The following SMLR1 variants were observed in gnomAD, a reference collection of about 807,000 sequenced individuals.
SMLR1 encodes small leucine-rich protein 1.
A neutral mutation model predicts 6.1 loss-of-function variants in SMLR1; 3 were observed. That is an observed-to-expected ratio of 0.49 (90% CI 0.22 to 1.28). The LOEUF (loss-of-function observed/expected upper bound fraction) is 1.28. Ranked by LOEUF, SMLR1 falls within the 50% of genes most tolerant of loss-of-function variation. The pLI, the probability that SMLR1 is intolerant of heterozygous loss-of-function variation, is 0.19. For synonymous variants in SMLR1, 55 were observed against 53.6 expected (o/e 1.03, Z -0.11); for missense variants, 126 against 124.8 (o/e 1.01, Z -0.05).
intron 1 of SMLR1, among the ~76,000 whole-genome samples, chr6:130,830,250 A>G (rs989147176): frequency 1.3e-5 from 2 of 152,038 alleles, no homozygotes; most frequent in Non-Finnish European, 2.9e-5. Context: ...CAGAGGCAGG[A>G]TCCTCTACAG....
intron 1 of SMLR1, among the ~76,000 whole-genome samples, chr6:130,831,818 C>G (rs1403215423): frequency 6.6e-6 from 1 of 152,180 alleles, no homozygotes; most frequent in Non-Finnish European, 1.5e-5. Context: ...TCTCATACAG[C>G]TGGGTCTGTC....
Position 130,834,929 on chromosome 6 carries a change from C to G in SMLR1, c.298C>G (p.Leu100Val). 6.5e-7 allele frequency: 1 copy of G among 1,535,348 alleles called. No individual in the cohort carries two copies. Among genetic ancestry groups the G allele is most frequent in the East Asian group, 2.4e-5 (1 of 40,920 alleles). The change falls in exon 2 of 2, where the codon CTG (leucine) becomes GTG (valine). Residue 100 changes from leucine to valine, a missense_variant. Transcript: ENST00000541421. ...RQHNPKDGSS[L>V]YQRMKWT The stretch of plus-strand genomic sequence containing the variant: ...ACATAATCCCAAGGATGGCTCTTCC[C>G]TGTACCAGAGAATGAAATGGACGTG...
chr6:130,829,095 T>A (rs533216690), intron 1 of SMLR1, among the ~76,000 whole-genome samples: 1 of 152,326 alleles, frequency 6.6e-6, no homozygotes, highest in South Asian at 2.1e-4. Flanking sequence ...GATGTCATCA[T>A]CGGGGACTTG....
chr6:130,831,803 G>A (rs192474462), intron 1 of SMLR1, among the ~76,000 whole-genome samples: 74 of 152,314 alleles, frequency 4.9e-4, no homozygotes, highest in African/African-American at 1.7e-3. Flanking sequence ...AAACCAGCTT[G>A]CCTGTCTCAT....
chr6:130,827,719 A>C, intron 1 of SMLR1, 68 bp downstream of exon 1: 3 of 1,163,830 alleles, frequency 2.6e-6, no homozygotes, highest in Admixed American at 4.1e-5. Flanking sequence ...AAATATACCG[A>C]TGCACTGTCA....
rs1038670175 is a variant in SMLR1 at position 130,835,156 on chromosome 6, G to A, written c.*201G>A. The stretch of plus-strand genomic sequence containing the variant: ...TTCTCAGAGACTCAGTATAACAGCA[G>A]CTCTTGAAAAGTACCAAGAATGGAT... On this transcript the variant is annotated 3_prime_UTR_variant, in exon 2 of 2. Coordinates refer to ENST00000541421, the MANE Select transcript of SMLR1 (RefSeq NM_001195597.2). 1.4e-5 allele frequency: 8 copies of A among 552,506 alleles called. No homozygotes were observed. Among genetic ancestry groups the A allele is most frequent in the South Asian group, 1.3e-4 (6 of 44,842 alleles). 34.2% of individuals were successfully genotyped at this position (552,506 alleles called of 1,614,324 possible). A position where few individuals can be genotyped will look rare whatever the true frequency, so the allele number is the denominator to read the frequency against.
chr6:130,830,749 C>T (rs147441235), intron 1 of SMLR1, among the ~76,000 whole-genome samples: 2,492 of 152,246 alleles, frequency 0.016, 21 homozygotes, highest in Middle Eastern at 0.044. Flanking sequence ...CCAAAACCCA[C>T]CCACCAAAAC....
intron 1 of SMLR1, among the ~76,000 whole-genome samples, chr6:130,829,629 C>A (rs2128384317): frequency 6.6e-6 from 1 of 152,318 alleles, no homozygotes; most frequent in South Asian, 2.1e-4. Flanking sequence ...AAGTTACTAC[C>A]TTAAGTTTGT....
intron 1 of SMLR1, among the ~76,000 whole-genome samples, chr6:130,828,574 AAT>A (rs1240852151): frequency 3.9e-5 from 6 of 152,184 alleles, no homozygotes; most frequent in African/African-American, 1.4e-4. Flanking sequence ...CTAATGCTAT[AAT>A]ATATAACCTA....
At chr6:130,829,711 T>C (rs1409942032) in intron 1 of SMLR1, among the ~76,000 whole-genome samples, 1 of 152,224 alleles carries the variant, frequency 6.6e-6, no homozygotes, top group Non-Finnish European at 1.5e-5. Context: ...AACCTCTTGT[T>C]TCTTCACACT....
At chr6:130,832,171 C>T (rs1774478318) in intron 1 of SMLR1, among the ~76,000 whole-genome samples, 1 of 152,096 alleles carries the variant, frequency 6.6e-6, no homozygotes, top group Admixed American at 6.5e-5. Flanking sequence ...ATTCCCAAAC[C>T]TTTACTTCCA....
chr6:130,831,655 T>A (rs1221968647), intron 1 of SMLR1, among the ~76,000 whole-genome samples: 5 of 152,182 alleles, frequency 3.3e-5, no homozygotes, highest in African/African-American at 1.2e-4. Context: ...CAACAGATGG[T>A]CAAATGTCAT....
chr6:130,834,977 T>C lies in SMLR1; in HGVS notation c.*22T>C. 2 of 1,521,910 alleles carry C rather than the reference T, an allele frequency of 1.3e-6. No individual in the cohort carries two copies. The highest frequency in any genetic ancestry group is 8.8e-7 in the Non-Finnish European group (1 of 1,134,308). The allele number at this position is 1,521,910 out of a possible 1,614,324, so 94.3% of individuals were successfully genotyped here. A position where few individuals can be genotyped will look rare whatever the true frequency, so the allele number is the denominator to read the frequency against. On this transcript the variant is annotated 3_prime_UTR_variant, in exon 2 of 2. Coordinates refer to ENST00000541421, the MANE Select transcript of SMLR1 (RefSeq NM_001195597.2). The stretch of plus-strand genomic sequence containing the variant: ...GTGAAGTTGGGGACTTTCCAATAAC[T>C]AAAGCACAATGAGTTTCTACTGGTC...
At position 130,833,173 on chromosome 6, in the gene SMLR1, G is replaced by A. The variant is rs9492734; in HGVS notation, c.239-1697G>A. The stretch of plus-strand genomic sequence containing the variant: ...TTGCAAGCTCTTTTAGGTTAGGGAG[G>A]CATTATTTTACTTCTCTCACTCTCC... On this transcript the variant is annotated intron_variant, in intron 1 of 1. Coordinates refer to ENST00000541421, the MANE Select transcript of SMLR1 (RefSeq NM_001195597.2). Among the ~76,000 whole-genome samples the A allele has an allele frequency of 8.9e-3, 1,352 of 152,188 alleles. 19 individuals carry two copies. The highest frequency in any genetic ancestry group is 0.031 in the African/African-American group (1,282 of 41,532).
At chr6:130,834,175 G>A (rs1022934198) in intron 1 of SMLR1, among the ~76,000 whole-genome samples, 2 of 152,072 alleles carry the variant, frequency 1.3e-5, no homozygotes, top group Admixed American at 6.6e-5. Flanking sequence ...ATCAAATCTA[G>A]TTATTGCCAG....
chr6:130,830,854 C>A (rs191699041), intron 1 of SMLR1, among the ~76,000 whole-genome samples: 3 of 152,310 alleles, frequency 2.0e-5, no homozygotes, highest in Admixed American at 1.3e-4. Context: ...CAGGAAGTTA[C>A]CCTACATGGC....
intron 1 of SMLR1, among the ~76,000 whole-genome samples, chr6:130,832,523 C>T (rs760095498): frequency 1.3e-4 from 20 of 152,208 alleles, no homozygotes; most frequent in South Asian, 6.2e-4. Context: ...TACTATAGGA[C>T]GGGTATGGTG....
rs1313646786 is a variant in SMLR1 at position 130,827,433 on chromosome 6, G to T, written c.20G>T (p.Ser7Ile). ...TGAGACATGCTGAGCAAAGGCCGGA[G>T]CCCCAGAAGAAAACAAGTACAGACT... MLSKGR[S>I]PRRKQVQTQR... Residue 7 changes from serine to isoleucine, a missense_variant, in exon 1 of 2, where the codon AGC (serine) becomes ATC (isoleucine). Transcript: ENST00000541421. The T allele has an allele frequency of 6.5e-7, 1 of 1,535,946 alleles. No individual in the cohort carries two copies. Among genetic ancestry groups the T allele is most frequent in the Non-Finnish European group, 8.7e-7 (1 of 1,146,832 alleles).
In SMLR1 at chr6:130,830,911, A is replaced by T. The variant is rs1051139904; in HGVS notation, c.238+3260A>T. ...AACCGCCCCCCCGCGTTTAGCATATAATCAAGAACTAACCATAAAAATGGG... is the reference window on the plus strand; with the variant it reads ...AACCGCCCCCCCGCGTTTAGCATATTATCAAGAACTAACCATAAAAATGGG... On this transcript the variant is annotated intron_variant, in intron 1 of 1. Transcript: ENST00000541421. 3.9e-5 allele frequency among the ~76,000 whole-genome samples: 6 copies of T among 152,304 alleles called. No individual in the cohort carries two copies. The East Asian group carries it at 1.2e-3, about 29-fold the overall frequency.
Sources: gnomAD v4.1 joint callset for allele counts (sites outside exome capture counted in the v4.1 genomes callset) on GRCh38, gnomAD v4.1.1 for gene constraint, MANE v1.5 for transcripts, NCBI Gene and HGNC (gene_info 2026-07-23, HGNC 2026-07-21) for gene names.